The following SNX29 variants were observed in gnomAD, a reference collection of about 807,000 sequenced individuals.
SNX29 encodes the protein sorting nexin 29, also known as sorting nexin-29.
A neutral mutation model predicts 102.1 loss-of-function variants in SNX29; 78 were observed. The observed-to-expected ratio is 0.76, with a 90% CI of 0.64 to 0.92. The LOEUF is 0.92. Among genes scored for constraint, SNX29 ranks in the 40% least tolerant of loss-of-function variants. The pLI, the probability that SNX29 is intolerant of heterozygous loss-of-function variation, is 0.00. For missense variants in SNX29, 1,280 were observed against 1,061.7 expected (o/e 1.21, Z -2.86); for synonymous variants, 580 against 414.5 (o/e 1.40, Z -4.85).
intron 15 of SNX29, among the ~76,000 whole-genome samples, chr16:12,296,088 A>T (rs2079970962): frequency 6.6e-6 from 1 of 152,086 alleles, no homozygotes; most frequent in Non-Finnish European, 1.5e-5. Flanking sequence ...TTCCTGAAAA[A>T]TTTTTCTTCC....
intron 2 of SNX29, among the ~76,000 whole-genome samples, chr16:12,002,787 C>G (rs1294347361): frequency 6.6e-5 from 10 of 152,168 alleles, no homozygotes; most frequent in Non-Finnish European, 1.5e-4. Flanking sequence ...TAAGGGTTTC[C>G]TTTAAGTGGC....
intron 11 of SNX29, among the ~76,000 whole-genome samples, chr16:12,101,860 G>T (rs1409476932): frequency 6.6e-6 from 1 of 152,076 alleles, no homozygotes; most frequent in Non-Finnish European, 1.5e-5. Context: ...GTTTTTTGCT[G>T]CACCCATCAG....
intron 15 of SNX29, among the ~76,000 whole-genome samples, chr16:12,342,223 C>T (rs1441499171): frequency 6.6e-6 from 1 of 152,176 alleles, no homozygotes; most frequent in Non-Finnish European, 1.5e-5. Flanking sequence ...AGTTTTATTG[C>T]CTGTTGCCCT....
In SNX29 at chr16:12,048,493, G is replaced by A. The variant is rs1470801644; in HGVS notation, c.621G>A (p.Leu207=). The change falls in exon 7 of 21, where the codon CTG becomes CTA. Residue 207 remains leucine (L), a synonymous_variant. Transcript: ENST00000566228. ...CAACGCAGAACGTGACCTCCTTGCT[G>A]AAGGAGTCCACGCAAGGAGTGAGCA... ...KESTQNVTSL[L]KESTQGVSSL... 6.2e-7 allele frequency: 1 copy of A among 1,613,932 alleles called. No homozygotes were observed. Among genetic ancestry groups the A allele is most frequent in the Non-Finnish European group, 8.5e-7 (1 of 1,179,874 alleles).
intron 15 of SNX29, among the ~76,000 whole-genome samples, chr16:12,312,247 C>G (rs2080580589): frequency 1.3e-5 from 2 of 152,192 alleles, no homozygotes; most frequent in South Asian, 4.1e-4. Flanking sequence ...CCCATCCCAG[C>G]CCCCTGCACT....
At chr16:12,008,480 G>A (rs1252911487) in intron 3 of SNX29, among the ~76,000 whole-genome samples, 1 of 146,534 alleles carries the variant, frequency 6.8e-6, no homozygotes, top group African/African-American at 2.5e-5. Flanking sequence ...TGTTGGTCAG[G>A]CTGGACCTGA....
At chr16:12,221,654 A>G (rs542153977) in intron 14 of SNX29, among the ~76,000 whole-genome samples, 28 of 152,316 alleles carry the variant, frequency 1.8e-4, no homozygotes, top group Middle Eastern at 6.8e-3. Context: ...TGGGCTATTC[A>G]TGGCTTATAG....
chr16:12,129,693 C>CACCTTGAAAAGGAAGGTGGCT lies in SNX29; in HGVS notation c.1531_1551dup (p.Thr511_Ala517dup). ...CAGCCGCGCTCCGGCAAGAGGTGGA[C>CACCTTGAAAAGGAAGGTGGCT]ACCTTGAAAAGGAAGGTGGCTGAAC... On this transcript the variant is annotated inframe_insertion, in exon 13 of 21. Transcript: ENST00000566228. The CACCTTGAAAAGGAAGGTGGCT allele has an allele frequency of 2.5e-6, 4 of 1,611,110 alleles. No individual in the cohort carries two copies. The highest frequency in any genetic ancestry group is 3.4e-6 in the Non-Finnish European group (4 of 1,179,512).
intron 19 of SNX29, among the ~76,000 whole-genome samples, chr16:12,512,519 T>C (rs2089677765): frequency 6.6e-6 from 1 of 150,676 alleles, no homozygotes. Context: ...GCTCAAGTGA[T>C]CTTTCCACCT....
At chr16:12,060,676 G>A in intron 8 of SNX29, 1 of 427,188 alleles carries the variant, frequency 2.3e-6, no homozygotes, top group Admixed American at 2.6e-5. Context: ...CAGATGTAAT[G>A]CAGATACTGG....
chr16:12,549,625 G>C (rs187442344), intron 20 of SNX29, among the ~76,000 whole-genome samples: 12 of 152,190 alleles, frequency 7.9e-5, no homozygotes, highest in African/African-American at 2.7e-4. Flanking sequence ...CCCTCCACAC[G>C]CTCTGTAAAG....
chr16:12,328,289 C>G (rs2081184483), intron 15 of SNX29, among the ~76,000 whole-genome samples: 1 of 152,180 alleles, frequency 6.6e-6, no homozygotes. Context: ...TTGTTGATAT[C>G]TCTTGGCCTT....
intron 15 of SNX29, among the ~76,000 whole-genome samples, chr16:12,309,275 G>T (rs1379105834): frequency 6.6e-6 from 1 of 152,150 alleles, no homozygotes; most frequent in African/African-American, 2.4e-5. Context: ...TGCCTTTTTG[G>T]TGCTCAAGTT....
chr16:12,278,154 G>A lies in SNX29; in HGVS notation c.1782+118G>A, dbSNP rs1304219295. The A allele has an allele frequency of 3.8e-6, 3 of 793,654 alleles. No homozygotes were observed. The Admixed American group carries it at 7.0e-5, about 19-fold the overall frequency. The allele number at this position is 793,654 out of a possible 1,614,324, so 49.2% of individuals were successfully genotyped here. ...AGCAAAACGACCAAGCAACTCCTCA[G>A]CCCCACAAAACAAAGCAAGACCAAA... On this transcript the variant is annotated intron_variant, in intron 15 of 20. Transcript: ENST00000566228.
chr16:12,034,305 T>C (rs1227531592), intron 4 of SNX29, among the ~76,000 whole-genome samples: 1 of 152,202 alleles, frequency 6.6e-6, no homozygotes, highest in East Asian at 1.9e-4. Flanking sequence ...CACTCGCCCA[T>C]CCCTGCTTTC....
intron 3 of SNX29, 60 bp from the exon 4 acceptor site, chr16:12,027,260 G>C: frequency 6.2e-7 from 1 of 1,601,124 alleles, no homozygotes; most frequent in Non-Finnish European, 8.5e-7. Context: ...AGATGCTGGG[G>C]CCGCCCTAGT....
At chr16:12,317,945 T>C (rs2080805579) in intron 15 of SNX29, among the ~76,000 whole-genome samples, 1 of 152,222 alleles carries the variant, frequency 6.6e-6, no homozygotes, top group South Asian at 2.1e-4. Context: ...TCTACCGGCC[T>C]GGGGGAAACA....
chr16:12,115,485 T>TTTTGTGTG (rs369070216), intron 11 of SNX29, among the ~76,000 whole-genome samples: 8 of 141,858 alleles, frequency 5.6e-5, no homozygotes, highest in African/African-American at 2.1e-4. Flanking sequence ...CCACCTTGAT[T>TTTTGTGTG]TGTGTGTGTG....
intron 14 of SNX29, among the ~76,000 whole-genome samples, chr16:12,254,941 G>A (rs1392456223): frequency 6.6e-6 from 1 of 152,178 alleles, no homozygotes; most frequent in African/African-American, 2.4e-5. Context: ...CAGGAGGTTG[G>A]CTGCAGACAG....
Sources: allele counts gnomAD v4.1 joint callset (sites outside exome capture counted in the v4.1 genomes callset), GRCh38; gene constraint gnomAD v4.1.1; transcripts MANE v1.5; gene names NCBI Gene and HGNC (gene_info 2026-07-23, HGNC 2026-07-21).